UBR3: variants seen among roughly 807,000 people sequenced by gnomAD.
UBR3 encodes the protein ubiquitin protein ligase E3 component n-recognin 3.
UBR3 carries 85 observed loss-of-function variants against 243.2 expected under a neutral mutation model. That is an observed-to-expected ratio of 0.35 (90% CI 0.29 to 0.42). The LOEUF is 0.42. Among genes scored for constraint, UBR3 ranks in the 10% least tolerant of loss-of-function variants. The pLI, the probability that UBR3 is intolerant of heterozygous loss-of-function variation, is 1.00. For synonymous variants in UBR3, 748 were observed against 799.8 expected, an observed-to-expected ratio of 0.94 and a Z score of 1.09; for missense variants, 1,686 against 2,300.8, an observed-to-expected ratio of 0.73 and a Z score of 5.47.
At chr2:169,928,907 G>T (rs549849953) in intron 18 of UBR3, 39 bp downstream of exon 18, 1 of 1,321,500 alleles carries the variant, frequency 7.6e-7, no homozygotes, top group East Asian at 2.7e-5. Flanking sequence ...TCAAATATCA[G>T]TTCTTGAATG....
intron 23 of UBR3, among the ~76,000 whole-genome samples, chr2:169,950,310 T>C (rs2086965095): frequency 6.6e-6 from 1 of 152,086 alleles, no homozygotes; most frequent in Non-Finnish European, 1.5e-5. Context: ...TGTGTCTCTT[T>C]GGAAAAATTG....
intron 1 of UBR3, among the ~76,000 whole-genome samples, chr2:169,847,771 T>C (rs2082531466): frequency 6.6e-6 from 1 of 152,236 alleles, no homozygotes; most frequent in Non-Finnish European, 1.5e-5. Context: ...GTTTGGCTGA[T>C]GGGAACAGAC....
At chr2:169,895,010 T>C (rs935652831) in intron 6 of UBR3, among the ~76,000 whole-genome samples, 171 bp from the exon 7 acceptor site, 3 of 152,224 alleles carry the variant, frequency 2.0e-5, no homozygotes, top group Admixed American at 2.0e-4. Context: ...TTTTTTCTTA[T>C]TTATATACTG....
chr2:169,831,745 AAC>A (rs2081948426), intron 1 of UBR3, among the ~76,000 whole-genome samples: 1 of 152,208 alleles, frequency 6.6e-6, no homozygotes, highest in South Asian at 2.1e-4. Context: ...AACAGCTTGT[AAC>A]AGTGTTCTCA....
chr2:169,925,753 C>A lies in UBR3; in HGVS notation c.2151+6C>A. On this transcript the variant is annotated splice_donor_region_variant and intron_variant, in intron 14 of 38. Coordinates refer to ENST00000272793, the MANE Select transcript of UBR3 (RefSeq NM_172070.4). Reference sequence around the variant, plus strand: ...CTGACATTTACCTGTTACAGGTAAGCCAGCTAGATAATGCAGATATACTTT... The same window carrying A: ...CTGACATTTACCTGTTACAGGTAAGACAGCTAGATAATGCAGATATACTTT... 5 of 1,540,668 alleles carry A rather than the reference C, an allele frequency of 3.2e-6. No homozygotes were observed. The highest frequency in any genetic ancestry group is 4.4e-6 in the Non-Finnish European group (5 of 1,142,476).
At chr2:169,872,097 A>G in intron 1 of UBR3, 139 bp from the exon 2 acceptor site, 1 of 608,750 alleles carries the variant, frequency 1.6e-6, no homozygotes, top group Non-Finnish European at 2.5e-6. Context: ...TTAAAATTAC[A>G]TTCTTTTAAC....
intron 5 of UBR3, among the ~76,000 whole-genome samples, chr2:169,882,776 A>G (rs951415782): frequency 2.6e-5 from 4 of 152,052 alleles, no homozygotes; most frequent in African/African-American, 7.2e-5. Context: ...ATGTGATACA[A>G]CAAAAACGAA....
chr2:169,988,298 T>C (rs1347200427), intron 25 of UBR3, among the ~76,000 whole-genome samples: 1 of 152,240 alleles, frequency 6.6e-6, no homozygotes, highest in Admixed American at 6.5e-5. Context: ...ACTGTTCTAG[T>C]AAGAGACAAA....
At chr2:170,035,144 T>C (rs1007335450) in intron 31 of UBR3, among the ~76,000 whole-genome samples, 5 of 152,014 alleles carry the variant, frequency 3.3e-5, no homozygotes, top group African/African-American at 1.2e-4. Flanking sequence ...TGTCTTGACA[T>C]TGTCTTTTGC....
intron 1 of UBR3, among the ~76,000 whole-genome samples, chr2:169,853,776 GT>G (rs11350876): frequency 0.54 from 80,464 of 149,694 alleles, 22,075 homozygotes; most frequent in Non-Finnish European, 0.62. Context: ...AAGGGACTTC[GT>G]TTTTTTTTTG....
intron 32 of UBR3, among the ~76,000 whole-genome samples, chr2:170,048,255 C>T (rs917642404): frequency 6.6e-6 from 1 of 152,100 alleles, no homozygotes; most frequent in African/African-American, 2.4e-5. Flanking sequence ...CAATACACCC[C>T]TTCCCCAAAG....
intron 2 of UBR3, among the ~76,000 whole-genome samples, chr2:169,874,950 T>C (rs2083552641): frequency 6.6e-6 from 1 of 152,092 alleles, no homozygotes; most frequent in Non-Finnish European, 1.5e-5. Flanking sequence ...CTGTAAAACC[T>C]CTCTATATTT....
At chr2:169,883,908 A>G (rs1263030062) in intron 5 of UBR3, among the ~76,000 whole-genome samples, 1 of 152,140 alleles carries the variant, frequency 6.6e-6, no homozygotes, top group Non-Finnish European at 1.5e-5. Context: ...ATCTTGGCTC[A>G]CTGAACCTCT....
At chr2:170,042,014 A>G (rs1418959072) in intron 32 of UBR3, among the ~76,000 whole-genome samples, 3 of 152,236 alleles carry the variant, frequency 2.0e-5, no homozygotes, top group Non-Finnish European at 4.4e-5. Context: ...AGTGCCATTT[A>G]GTACTGTCAC....
intron 31 of UBR3, 105 bp downstream of exon 31, chr2:170,029,553 T>A: frequency 1.2e-6 from 1 of 843,166 alleles, no homozygotes; most frequent in Non-Finnish European, 1.8e-6. Context: ...TTTTTCACAT[T>A]TTCTTTATGA....
At chr2:169,868,841 C>T (rs1221001242) in intron 1 of UBR3, among the ~76,000 whole-genome samples, 1 of 152,136 alleles carries the variant, frequency 6.6e-6, no homozygotes, top group Non-Finnish European at 1.5e-5. Flanking sequence ...AAATTCTTTT[C>T]AGAGTTGGTT....
chr2:170,024,573 G>A (rs760062626), intron 30 of UBR3, among the ~76,000 whole-genome samples: 1 of 151,746 alleles, frequency 6.6e-6, no homozygotes, highest in Non-Finnish European at 1.5e-5. Context: ...ACACATACAT[G>A]TGAAACTCAT....
chr2:170,055,720 A>G, intron 33 of UBR3, 136 bp downstream of exon 33: 1 of 1,022,968 alleles, frequency 9.8e-7, no homozygotes, highest in Non-Finnish European at 1.4e-6. Context: ...ACAGGCTAAA[A>G]AATGTTTAAA....
intron 1 of UBR3, among the ~76,000 whole-genome samples, chr2:169,857,822 C>T (rs972735029): frequency 6.6e-6 from 1 of 152,100 alleles, no homozygotes; most frequent in Non-Finnish European, 1.5e-5. Context: ...CTCAATGCAG[C>T]GTTGACCCTC....
Sources: gnomAD v4.1 joint callset for allele counts (sites outside exome capture counted in the v4.1 genomes callset) on GRCh38, gnomAD v4.1.1 for gene constraint, MANE v1.5 for transcripts, NCBI Gene and HGNC (gene_info 2026-07-23, HGNC 2026-07-21) for gene names.